Variants in CTNNA3 observed in about 807,000 individuals in gnomAD.
CTNNA3 encodes catenin alpha-3.
A neutral mutation model predicts 95.7 loss-of-function variants in CTNNA3; 76 were observed. The ratio of observed to expected loss-of-function variants is 0.79; its 90% CI spans 0.66 to 0.96. CTNNA3 has a LOEUF of 0.96. CTNNA3 is among the 40% of genes least tolerant of loss of function. The pLI, the probability that CTNNA3 is intolerant of heterozygous loss-of-function variation, is 0.00. For synonymous variants in CTNNA3, 431 were observed against 374.4 expected, an observed-to-expected ratio of 1.15 and a Z score of -1.74; for missense variants, 1,191 against 1,089.8, an observed-to-expected ratio of 1.09 and a Z score of -1.31.
intron 5 of CTNNA3, among the ~76,000 whole-genome samples, chr10:67,512,569 A>G (rs1003902458): frequency 1.3e-5 from 2 of 152,232 alleles, no homozygotes; most frequent in African/African-American, 2.4e-5. Flanking sequence ...TTGCAGTAGA[A>G]AACTACAAAA....
At chr10:67,556,080 AGCCT>A (rs1429485993) in intron 3 of CTNNA3, among the ~76,000 whole-genome samples, 1 of 152,236 alleles carries the variant, frequency 6.6e-6, no homozygotes, top group Non-Finnish European at 1.5e-5. Flanking sequence ...ATGTTGAACC[AGCCT>A]TGCATCCCAG....
chr10:67,445,037 A>G (rs1846688152), intron 5 of CTNNA3, among the ~76,000 whole-genome samples: 1 of 152,142 alleles, frequency 6.6e-6, no homozygotes, highest in African/African-American at 2.4e-5. Flanking sequence ...ACTAATACCA[A>G]TTCTGCTCAA....
intron 11 of CTNNA3, among the ~76,000 whole-genome samples, chr10:66,495,917 C>G (rs1397462151): frequency 5.9e-5 from 9 of 152,062 alleles, no homozygotes; most frequent in Admixed American, 5.9e-4. Context: ...CTTGGCCTCC[C>G]AAAGTGCTGG....
chr10:67,667,209 A>G (rs1160890576), intron 1 of CTNNA3, among the ~76,000 whole-genome samples: 1 of 152,116 alleles, frequency 6.6e-6, no homozygotes, highest in East Asian at 1.9e-4. Flanking sequence ...TCTCATAAAC[A>G]TGCGGTATTA....
chr10:66,175,185 C>T (rs992490804), intron 13 of CTNNA3, among the ~76,000 whole-genome samples: 3 of 152,098 alleles, frequency 2.0e-5, no homozygotes, highest in African/African-American at 7.2e-5. Flanking sequence ...CATGCACACA[C>T]ACACACACTC....
intron 10 of CTNNA3, among the ~76,000 whole-genome samples, chr10:66,600,276 C>T (rs1313349303): frequency 1.3e-5 from 2 of 151,628 alleles, no homozygotes; most frequent in South Asian, 4.1e-4. Flanking sequence ...AGTTTTAATA[C>T]AAAATATTAT....
intron 12 of CTNNA3, among the ~76,000 whole-genome samples, chr10:66,323,460 A>G (rs776544908): frequency 6.6e-6 from 1 of 151,846 alleles, no homozygotes; most frequent in Non-Finnish European, 1.5e-5. Flanking sequence ...CCTGGGCAAC[A>G]TGGTGAAAAT....
At chr10:67,514,136 G>A (rs1363973558) in intron 5 of CTNNA3, among the ~76,000 whole-genome samples, 3 of 151,788 alleles carry the variant, frequency 2.0e-5, no homozygotes, top group Non-Finnish European at 2.9e-5. Flanking sequence ...CTGTCTCTAC[G>A]AAAAATACAA....
At chr10:66,375,535 C>A (rs1231983201) in intron 12 of CTNNA3, among the ~76,000 whole-genome samples, 6 of 150,844 alleles carry the variant, frequency 4.0e-5, no homozygotes, top group Admixed American at 3.3e-4. Context: ...ACTGCTAGAA[C>A]TAAAACCTTT....
At chr10:66,248,348 T>TAAAA (rs71474035) in intron 13 of CTNNA3, among the ~76,000 whole-genome samples, 38 of 144,872 alleles carry the variant, frequency 2.6e-4, no homozygotes, top group East Asian at 4.1e-4. Flanking sequence ...GAGAAAATCA[T>TAAAA]AAAAAAAAAA....
At chr10:67,543,130 T>A (rs1443379181) in intron 3 of CTNNA3, among the ~76,000 whole-genome samples, 3 of 152,064 alleles carry the variant, frequency 2.0e-5, no homozygotes, top group Non-Finnish European at 4.4e-5. Flanking sequence ...AAGAACTAGG[T>A]TTAGAAAACT....
chr10:66,935,153 T>C (rs1564778145), intron 7 of CTNNA3, among the ~76,000 whole-genome samples: 1 of 152,064 alleles, frequency 6.6e-6, no homozygotes, highest in Non-Finnish European at 1.5e-5. Context: ...CCTATAAGTT[T>C]CCCTCATTAA....
At chr10:66,209,906 T>C (rs1259785545) in intron 13 of CTNNA3, among the ~76,000 whole-genome samples, 6 of 152,158 alleles carry the variant, frequency 3.9e-5, no homozygotes, top group South Asian at 2.1e-4. Flanking sequence ...AAGCAACTTA[T>C]ATGCAAAAGT....
intron 5 of CTNNA3, among the ~76,000 whole-genome samples, chr10:67,264,861 A>G (rs747438425): frequency 9.2e-5 from 14 of 152,210 alleles, no homozygotes; most frequent in Non-Finnish European, 1.9e-4. Flanking sequence ...ATGATGCCGT[A>G]ATTCACCATT....
At chr10:66,716,108 A>G (rs1381803837) in intron 9 of CTNNA3, among the ~76,000 whole-genome samples, 1 of 152,100 alleles carries the variant, frequency 6.6e-6, no homozygotes, top group Non-Finnish European at 1.5e-5. Flanking sequence ...TTGGTAGCAC[A>G]CTTCATACTT....
At chr10:66,447,915 G>T (rs760697816) in intron 11 of CTNNA3, among the ~76,000 whole-genome samples, 1 of 152,168 alleles carries the variant, frequency 6.6e-6, no homozygotes, top group Admixed American at 6.5e-5. Flanking sequence ...GAATATTTTC[G>T]CAACCTACTC....
Position 65,923,808 on chromosome 10 carries a change from G to C in CTNNA3, c.2401-3191C>G, listed in dbSNP as rs1209814515. Among the ~76,000 whole-genome samples the C allele has an allele frequency of 2.6e-5, 4 of 152,192 alleles. No homozygotes were observed. The East Asian group carries it at 7.7e-4, about 29-fold the overall frequency. On this transcript the variant is annotated intron_variant, in intron 17 of 17. Transcript: ENST00000433211. ...AATGCATGAAATAACTAAAAGAAAAGTAAATGTAACACTACAGAAAGGGCC... is the reference window on the plus strand; with the variant it reads ...AATGCATGAAATAACTAAAAGAAAACTAAATGTAACACTACAGAAAGGGCC...
intron 5 of CTNNA3, among the ~76,000 whole-genome samples, chr10:67,356,350 A>C: frequency 6.6e-6 from 1 of 152,000 alleles, no homozygotes; most frequent in East Asian, 1.9e-4. Context: ...CCTCCCTCCA[A>C]AAATCCAGCC....
At chr10:66,093,196 G>T (rs2081275757) in intron 14 of CTNNA3, among the ~76,000 whole-genome samples, 1 of 151,836 alleles carries the variant, frequency 6.6e-6, no homozygotes, top group Admixed American at 6.6e-5. Context: ...TCTCTGTCTA[G>T]ATTTTTATAC....
Sources: gnomAD v4.1 joint callset for allele counts (sites outside exome capture counted in the v4.1 genomes callset) on GRCh38, gnomAD v4.1.1 for gene constraint, MANE v1.5 for transcripts, NCBI Gene and HGNC (gene_info 2026-07-23, HGNC 2026-07-21) for gene names.